PTPN2: variants seen among roughly 807,000 people sequenced by gnomAD.
PTPN2 encodes the protein tyrosine-protein phosphatase non-receptor type 2.
A neutral mutation model predicts 57.3 loss-of-function variants in PTPN2; 19 were observed. The ratio of observed to expected loss-of-function variants is 0.33; its 90% CI spans 0.23 to 0.49. The LOEUF (loss-of-function observed/expected upper bound fraction) is 0.49. Ranked by LOEUF, PTPN2 falls within the 20% of genes least tolerant of loss-of-function variation. PTPN2 has a pLI of 0.99. For missense variants in PTPN2, 358 were observed against 501.1 expected (o/e 0.71, Z 2.73); for synonymous variants, 153 against 164.9 (o/e 0.93, Z 0.55).
At chr18:12,826,861 G>A (rs1339365738) in intron 4 of PTPN2, among the ~76,000 whole-genome samples, 3 of 151,928 alleles carry the variant, frequency 2.0e-5, no homozygotes, top group African/African-American at 7.3e-5. Context: ...GAGCCACCAT[G>A]TCCGGTCTTA....
intron 1 of PTPN2, among the ~76,000 whole-genome samples, chr18:12,866,881 T>A (rs2044012510): frequency 6.6e-6 from 1 of 152,036 alleles, no homozygotes; most frequent in Non-Finnish European, 1.5e-5. Context: ...GGTGGGCACC[T>A]GTAGTCCCAG....
chr18:12,881,825 T>C (rs1438838952), intron 1 of PTPN2, among the ~76,000 whole-genome samples: 2 of 152,204 alleles, frequency 1.3e-5, no homozygotes, highest in African/African-American at 4.8e-5. Flanking sequence ...TTTACATGTA[T>C]CACTTTAACG....
chr18:12,815,092 A>G (rs1235376684), intron 6 of PTPN2, among the ~76,000 whole-genome samples: 5 of 49,206 alleles, frequency 1.0e-4, no homozygotes, highest in African/African-American at 3.1e-4. Context: ...TCAAAAATAA[A>G]TAAATAAATA....
At chr18:12,877,066 T>A (rs2044515008) in intron 1 of PTPN2, among the ~76,000 whole-genome samples, 2 of 152,184 alleles carry the variant, frequency 1.3e-5, no homozygotes, top group African/African-American at 4.8e-5. Flanking sequence ...ATCAGATAAG[T>A]CACAACACTG....
chr18:12,848,318 C>T (rs1003524130), intron 2 of PTPN2, among the ~76,000 whole-genome samples: 17 of 152,142 alleles, frequency 1.1e-4, no homozygotes, highest in African/African-American at 1.7e-4. Flanking sequence ...GGGTTATCTA[C>T]GAAGCAATTC....
intron 2 of PTPN2, among the ~76,000 whole-genome samples, chr18:12,850,680 CTTT>C (rs1009197691): frequency 6.6e-6 from 1 of 150,926 alleles, no homozygotes; most frequent in Admixed American, 6.6e-5. Context: ...AAATGTTTAT[CTTT>C]TTATTAATAA....
chr18:12,841,046 G>A, intron 2 of PTPN2: 2 of 1,307,828 alleles, frequency 1.5e-6, no homozygotes, highest in Non-Finnish European at 2.0e-6. Context: ...TTTGTTTGAA[G>A]CTTTTAAAAA....
At chr18:12,794,970 A>G (rs1183603512) in intron 8 of PTPN2, among the ~76,000 whole-genome samples, 1 of 152,188 alleles carries the variant, frequency 6.6e-6, no homozygotes, top group African/African-American at 2.4e-5. Flanking sequence ...TACCTTGACA[A>G]CCATTCCTGG....
chr18:12,874,780 C>T (rs1268103318), intron 1 of PTPN2, among the ~76,000 whole-genome samples: 1 of 152,162 alleles, frequency 6.6e-6, no homozygotes, highest in Non-Finnish European at 1.5e-5. Context: ...GCCCCTCTGC[C>T]CGGCCACCAC....
chr18:12,880,058 T>A (rs1355280965), intron 1 of PTPN2, among the ~76,000 whole-genome samples: 1 of 152,146 alleles, frequency 6.6e-6, no homozygotes. Flanking sequence ...AGTCTTGGGA[T>A]GCTAAAGAAG....
chr18:12,842,133 C>T (rs1470584518), intron 2 of PTPN2, among the ~76,000 whole-genome samples: 3 of 152,044 alleles, frequency 2.0e-5, no homozygotes, highest in Admixed American at 1.3e-4. Context: ...CTTGAACTCT[C>T]GACCTCAGGT....
chr18:12,874,995 C>A (rs1290161197), intron 1 of PTPN2, among the ~76,000 whole-genome samples: 2 of 152,152 alleles, frequency 1.3e-5, no homozygotes, highest in East Asian at 1.9e-4. Context: ...TCCTGTTGAT[C>A]TGTGACCTTA....
chr18:12,807,964 G>A (rs972564084), intron 7 of PTPN2, among the ~76,000 whole-genome samples: 23 of 151,996 alleles, frequency 1.5e-4, no homozygotes, highest in Admixed American at 1.1e-3. Context: ...CGGGCAGATC[G>A]CTTGAGCCCA....
intron 1 of PTPN2, among the ~76,000 whole-genome samples, chr18:12,881,210 G>A (rs541364862): frequency 3.9e-5 from 6 of 152,266 alleles, no homozygotes; most frequent in East Asian, 3.9e-4. Context: ...CGAGGCAGGC[G>A]GATCACCTGA....
intron 1 of PTPN2, among the ~76,000 whole-genome samples, chr18:12,878,135 A>C (rs1192160264): frequency 1.3e-5 from 2 of 152,084 alleles, no homozygotes; most frequent in African/African-American, 4.8e-5. Flanking sequence ...TCAGGAGTTG[A>C]AGACCAGCCT....
chr18:12,879,194 A>C (rs556053231), intron 1 of PTPN2, among the ~76,000 whole-genome samples: 1 of 152,232 alleles, frequency 6.6e-6, no homozygotes, highest in African/African-American at 2.4e-5. Flanking sequence ...TCTGTAGTGC[A>C]GTGGCACAAT....
At chr18:12,834,326 C>CA (rs11368721) in intron 3 of PTPN2, among the ~76,000 whole-genome samples, 120,993 of 133,116 alleles carry the variant, frequency 0.91, 55,331 homozygotes, top group East Asian at 0.99. Context: ...GACTCCATCT[C>CA]AAAAAAAAAA....
chr18:12,807,568 GAAAA>G (rs68088093), intron 7 of PTPN2, among the ~76,000 whole-genome samples: 1,429 of 41,196 alleles, frequency 0.035, 72 homozygotes, highest in African/African-American at 0.094. Flanking sequence ...AGAAAATGTG[GAAAA>G]AAAAAAAAAA....
At chr18:12,803,451 T>C (rs1015953636) in intron 7 of PTPN2, among the ~76,000 whole-genome samples, 2 of 152,122 alleles carry the variant, frequency 1.3e-5, no homozygotes, top group South Asian at 2.1e-4. Context: ...AGTGGCTGAA[T>C]GGATGAAAAA....
Sources: allele counts gnomAD v4.1 joint callset (sites outside exome capture counted in the v4.1 genomes callset), GRCh38; gene constraint gnomAD v4.1.1; transcripts MANE v1.5; gene names NCBI Gene and HGNC (gene_info 2026-07-23, HGNC 2026-07-21).